DDC: variants seen among roughly 807,000 people sequenced by gnomAD.
DDC encodes the protein dopa decarboxylase.
A neutral mutation model predicts 60.0 loss-of-function variants in DDC; 43 were observed. The observed-to-expected ratio is 0.72, with a 90% CI of 0.56 to 0.92. DDC has a LOEUF of 0.92. Ranked by LOEUF, DDC falls within the 40% of genes least tolerant of loss-of-function variation. The probability of loss-of-function intolerance (pLI) is 0.00; values close to 1 mark genes in which losing one functional copy is unlikely to be tolerated. For synonymous variants in DDC, 232 were observed against 234.6 expected (o/e 0.99, Z 0.10); for missense variants, 573 against 620.2 (o/e 0.92, Z 0.81).
chr7:50,519,870 GTACCCTAA>G (rs1461159856), intron 6 of DDC, among the ~76,000 whole-genome samples: 1 of 152,072 alleles, frequency 6.6e-6, no homozygotes, highest in Non-Finnish European at 1.5e-5. Context: ...AATACCACCT[GTACCCTAA>G]TAACTTATGG....
chr7:50,498,744 G>A (rs2153539577), intron 8 of DDC, among the ~76,000 whole-genome samples: 1 of 152,334 alleles, frequency 6.6e-6, no homozygotes, highest in South Asian at 2.1e-4. Flanking sequence ...TGGTTAAAGT[G>A]AATATCATGT....
chr7:50,468,365 A>G (rs2042447848), intron 12 of DDC, among the ~76,000 whole-genome samples: 1 of 152,232 alleles, frequency 6.6e-6, no homozygotes, highest in Non-Finnish European at 1.5e-5. Context: ...CATGATCATA[A>G]CTAGTTGTCC....
intron 1 of DDC, among the ~76,000 whole-genome samples, chr7:50,564,635 C>T (rs182268265): frequency 4.6e-5 from 7 of 152,274 alleles, no homozygotes; most frequent in South Asian, 4.1e-4. Context: ...TCCTTGAAGT[C>T]GATAACCGAA....
intron 13 of DDC, among the ~76,000 whole-genome samples, chr7:50,466,793 T>C (rs1193456247): frequency 6.6e-6 from 1 of 152,130 alleles, no homozygotes; most frequent in Non-Finnish European, 1.5e-5. Flanking sequence ...AGCTCTAGGG[T>C]GGGGCCCAAG....
intron 13 of DDC, among the ~76,000 whole-genome samples, chr7:50,464,360 G>A (rs1283812023): frequency 6.6e-6 from 1 of 152,078 alleles, no homozygotes; most frequent in East Asian, 1.9e-4. Flanking sequence ...CTCTAGCTAT[G>A]GGCCTGAGTG....
At chr7:50,471,608 T>C (rs1043247491) in intron 11 of DDC, among the ~76,000 whole-genome samples, 2 of 152,140 alleles carry the variant, frequency 1.3e-5, no homozygotes, top group Non-Finnish European at 2.9e-5. Flanking sequence ...TTGAGCTTCC[T>C]AGCAGCACTG....
intron 4 of DDC, among the ~76,000 whole-genome samples, chr7:50,537,622 G>A (rs2044462906): frequency 6.6e-6 from 1 of 152,200 alleles, no homozygotes; most frequent in Admixed American, 6.5e-5. Flanking sequence ...CCATAGCTAG[G>A]GGCCTGGGGA....
chr7:50,512,075 A>C (rs975858447), intron 6 of DDC, among the ~76,000 whole-genome samples: 3 of 152,110 alleles, frequency 2.0e-5, no homozygotes, highest in Admixed American at 1.3e-4. Flanking sequence ...TAAAATAATT[A>C]AAAATAAAAT....
At chr7:50,464,054 C>T (rs986028956) in intron 13 of DDC, among the ~76,000 whole-genome samples, 13 of 151,946 alleles carry the variant, frequency 8.6e-5, no homozygotes, top group Non-Finnish European at 1.2e-4. Flanking sequence ...CCATAGCAGC[C>T]GGTCTTCTGA....
At chr7:50,509,656 T>C (rs1207453171) in intron 6 of DDC, among the ~76,000 whole-genome samples, 2 of 151,040 alleles carry the variant, frequency 1.3e-5, no homozygotes, top group Admixed American at 1.3e-4. Flanking sequence ...TCTTAGCAAA[T>C]GAATGAATGA....
chr7:50,552,746 A>G lies in DDC; in HGVS notation c.-28-8633T>C, dbSNP rs532620710. Among the ~76,000 whole-genome samples, 45 of 152,348 alleles carry G rather than the reference A, an allele frequency of 3.0e-4. No homozygotes were observed. In the South Asian group the frequency reaches 8.9e-3, roughly 30 times the overall value. ...TAGGTATTTGCTGAATGATGAATGA[A>G]TGAATGATATTTGGTCCTCTAGACA... On this transcript the variant is annotated intron_variant, in intron 1 of 14. Transcript: ENST00000444124.
Position 50,565,292 on chromosome 7 carries a change from A to T in DDC, c.-36T>A, listed in dbSNP as rs532507207. On this transcript the variant is annotated 5_prime_UTR_variant, in exon 1 of 15. Coordinates refer to ENST00000444124, the MANE Select transcript of DDC (RefSeq NM_001082971.2). The stretch of plus-strand genomic sequence containing the variant: ...ATAAAATCAGAGACTTACATGCTGG[A>T]AATTCGAATTCCTTACAGGGCTACT... 6.6e-6 allele frequency: 1 copy of T among 152,358 alleles called. No homozygotes were observed. The highest frequency in any genetic ancestry group is 2.4e-5 in the African/African-American group (1 of 41,586). 9.4% of individuals were successfully genotyped at this position (152,358 alleles called of 1,614,324 possible).
chr7:50,484,608 G>T (rs577684478), intron 9 of DDC, among the ~76,000 whole-genome samples: 3 of 152,278 alleles, frequency 2.0e-5, no homozygotes, highest in South Asian at 2.1e-4. Context: ...TAAAGAGAAA[G>T]AATTTTATGG....
intron 1 of DDC, among the ~76,000 whole-genome samples, chr7:50,559,900 T>A (rs2045301227): frequency 6.6e-6 from 1 of 152,208 alleles, no homozygotes; most frequent in Non-Finnish European, 1.5e-5. Flanking sequence ...TTTGAATTTG[T>A]GGCAAGGGGA....
chr7:50,523,372 G>T (rs12535064), intron 6 of DDC, among the ~76,000 whole-genome samples: 9 of 151,952 alleles, frequency 5.9e-5, no homozygotes, highest in African/African-American at 1.2e-4. Context: ...ATTGTTTAAA[G>T]GATGAAATGA....
chr7:50,536,408 CA>C (rs2044413971), intron 4 of DDC, among the ~76,000 whole-genome samples: 1 of 152,334 alleles, frequency 6.6e-6, no homozygotes, highest in Admixed American at 6.5e-5. Flanking sequence ...CACAGGCACG[CA>C]TCCTTAACTT....
intron 1 of DDC, among the ~76,000 whole-genome samples, chr7:50,562,585 C>T (rs1033136097): frequency 6.6e-6 from 1 of 152,228 alleles, no homozygotes; most frequent in Non-Finnish European, 1.5e-5. Flanking sequence ...CAGACTCCCA[C>T]TTTCTTGCCC....
intron 9 of DDC, among the ~76,000 whole-genome samples, chr7:50,494,851 C>T (rs11575423): frequency 0.48 from 72,371 of 151,556 alleles, 17,873 homozygotes; most frequent in Non-Finnish European, 0.56. Flanking sequence ...TTAGTAGACA[C>T]GGGGTTTTAC....
intron 6 of DDC, among the ~76,000 whole-genome samples, chr7:50,504,344 A>G (rs2043336532): frequency 6.6e-6 from 1 of 152,202 alleles, no homozygotes; most frequent in Non-Finnish European, 1.5e-5. Context: ...GCAGACATGA[A>G]GCAATCTACC....
Sources: gnomAD v4.1 joint callset for allele counts (sites outside exome capture counted in the v4.1 genomes callset) on GRCh38, gnomAD v4.1.1 for gene constraint, MANE v1.5 for transcripts, NCBI Gene and HGNC (gene_info 2026-07-23, HGNC 2026-07-21) for gene names.